Variants in FST observed in about 807,000 individuals in gnomAD.
The protein encoded by FST is activin-binding protein.
A neutral mutation model predicts 38.4 loss-of-function variants in FST; 6 were observed. The observed-to-expected ratio is 0.16, with a 90% CI of 0.09 to 0.31. FST has a LOEUF of 0.31. Among genes scored for constraint, FST ranks in the 10% least tolerant of loss-of-function variants. The pLI is 1.00. For missense variants in FST, 301 were observed against 432.3 expected (o/e 0.70, Z 2.69); for synonymous variants, 157 against 169.8 (o/e 0.92, Z 0.59).
intron 4 of FST, 30 bp from the exon 5 acceptor site, chr5:53,484,967 T>C: frequency 9.4e-7 from 1 of 1,059,378 alleles, no homozygotes; most frequent in South Asian, 1.2e-5. Flanking sequence ...GGGAAATCAG[T>C]TTACTCATCA....
chr5:53,484,062 G>A lies in FST; in HGVS notation c.497-7G>A. The stretch of plus-strand genomic sequence containing the variant: ...CCTATTCATGTGTGTTTCCTTCTTT[G>A]TTCCAGAGACTTGTCGGGATGTTTT... On this transcript the variant is annotated splice_polypyrimidine_tract_variant and splice_region_variant and intron_variant, in intron 3 of 5. Transcript: ENST00000256759. The A allele has an allele frequency of 6.2e-7, 1 of 1,612,090 alleles. No homozygotes were observed.
In FST at chr5:53,483,862, AGG is replaced by A. The variant is rs1458183497; in HGVS notation, c.496+141_496+142del. ...TAATAGTAATACTGAAACCAAATAA[AGG>A]AGTCCTTTTCTAACCTCTAGAGATT... On this transcript the variant is annotated intron_variant, in intron 3 of 5. Transcript: ENST00000256759. This position sits in a 1 kb window ranked among gnomAD's most constrained non-coding sequence, Gnocchi z 4.1. 5.7e-6 allele frequency: 4 copies of A among 707,134 alleles called. No homozygotes were observed. The African/African-American group carries it at 7.2e-5, about 13-fold the overall frequency. 43.8% of individuals were successfully genotyped at this position (707,134 alleles called of 1,614,324 possible).
chr5:53,485,555 T>C, intron 5 of FST: 1 of 729,554 alleles, frequency 1.4e-6, no homozygotes, highest in East Asian at 2.5e-5. Context: ...AGTTTTTTTT[T>C]TTTTTTTCCA....
rs1476467555 is a variant in FST, at chr5:53,484,257, A to G, written c.685A>G (p.Arg229Gly). Residue 229 changes from arginine to glycine, a missense_variant, in exon 4 of 6, where the codon AGA becomes GGA. Physicochemically the swap from Arg to Gly is moderately radical, Grantham distance 125 (BLOSUM62 -2). Coordinates refer to ENST00000256759, the MANE Select transcript of FST (RefSeq NM_013409.3). Reference protein sequence around the residue: ...HLRKATCLLGRSIGLAYEGKC... With the variant: ...HLRKATCLLGGSIGLAYEGKC... Reference sequence around the variant, plus strand: ...GAGAAAGGCTACCTGCCTGCTGGGCAGATCTATTGGATTAGCCTATGAGGG... The same window carrying G: ...GAGAAAGGCTACCTGCCTGCTGGGCGGATCTATTGGATTAGCCTATGAGGG... 3 of 1,610,152 alleles carry G rather than the reference A, an allele frequency of 1.9e-6. No individual in the cohort carries two copies. The African/African-American group carries it at 4.0e-5, about 22-fold the overall frequency.
chr5:53,485,377 C>T, intron 5 of FST, 150 bp downstream of exon 5: 2 of 624,802 alleles, frequency 3.2e-6, no homozygotes, highest in Non-Finnish European at 5.7e-6. Flanking sequence ...CAATAATCCA[C>T]AGAAAATTCT....
chr5:53,483,650 G>A lies in FST; in HGVS notation c.424G>A (p.Glu142Lys). ...GCTGGATGGGAAAACCTACCGCAATGAATGTGCACTCCTAAAGGCAAGATG... is the reference window on the plus strand; with the variant it reads ...GCTGGATGGGAAAACCTACCGCAATAAATGTGCACTCCTAAAGGCAAGATG... ...CGLDGKTYRN[E>K]CALLKARCKE... is the part of the protein sequence containing the mutation. The change falls in exon 3 of 6, where the codon GAA (glutamate) becomes AAA (lysine). Residue 142 changes from glutamate to lysine, a missense_variant. Physicochemically the swap from Glu to Lys is moderately conservative, Grantham distance 56 (BLOSUM62 1). Coordinates refer to ENST00000256759, the MANE Select transcript of FST (RefSeq NM_013409.3). The surrounding 1 kb of genome is among the most constrained non-coding windows in gnomAD (Gnocchi z 4.1). The A allele has an allele frequency of 1.2e-6, 2 of 1,614,216 alleles. No homozygotes were observed. The highest frequency in any genetic ancestry group is 2.2e-5 in the South Asian group (2 of 91,084).
chr5:53,483,861 A>T lies in FST; in HGVS notation c.496+139A>T, dbSNP rs371974816. 1.0e-4 allele frequency: 72 copies of T among 706,590 alleles called. No individual in the cohort carries two copies. In the African/African-American group the frequency reaches 1.3e-3, roughly 13 times the overall value. 43.8% of individuals were successfully genotyped at this position (706,590 alleles called of 1,614,324 possible). On this transcript the variant is annotated intron_variant, in intron 3 of 5. Transcript: ENST00000256759. The surrounding 1 kb of genome is among the most constrained non-coding windows in gnomAD (Gnocchi z 4.1). ...ATAATAGTAATACTGAAACCAAATAAAGGAGTCCTTTTCTAACCTCTAGAG... is the reference window on the plus strand; with the variant it reads ...ATAATAGTAATACTGAAACCAAATATAGGAGTCCTTTTCTAACCTCTAGAG...
chr5:53,484,152 C>T lies in FST; in HGVS notation c.580C>T (p.Arg194Trp), dbSNP rs1747406626. ...TAATGCCTACTGTGTGACCTGTAATCGGATTTGCCCAGAGCCTGCTTCCTC... is the reference window on the plus strand; with the variant it reads ...TAATGCCTACTGTGTGACCTGTAATTGGATTTGCCCAGAGCCTGCTTCCTC... Reference protein sequence around the residue: ...TNNAYCVTCNRICPEPASSEQ... With the variant: ...TNNAYCVTCNWICPEPASSEQ... Residue 194 changes from arginine to tryptophan, a missense_variant, in exon 4 of 6, where the codon CGG becomes TGG. Physicochemically the swap from Arg to Trp is moderately radical, Grantham distance 101 (BLOSUM62 -3). Coordinates refer to ENST00000256759, the MANE Select transcript of FST (RefSeq NM_013409.3). 6 of 1,611,552 alleles carry T rather than the reference C, an allele frequency of 3.7e-6. No homozygotes were observed. The highest frequency in any genetic ancestry group is 1.3e-5 in the African/African-American group (1 of 74,986).
chr5:53,480,897 TG>T (rs1212853819), intron 1 of FST, 21 bp downstream of exon 1: 1 of 1,400,644 alleles, frequency 7.1e-7, no homozygotes, highest in Non-Finnish European at 9.8e-7. Context: ...GGGGATGCGC[TG>T]GGGAGGCTTG....
chr5:53,485,033 G>A lies in FST; in HGVS notation c.758G>A (p.Gly253Glu). 6.2e-7 allele frequency: 1 copy of A among 1,609,766 alleles called. No individual in the cohort carries two copies. The highest frequency in any genetic ancestry group is 8.5e-7 in the Non-Finnish European group (1 of 1,176,026). ...KSCEDIQCTG[G>E]KKCLWDFKVG... Reference sequence around the variant, plus strand: ...TGTGAAGATATCCAGTGCACTGGTGGGAAAAAATGTTTATGGGATTTCAAG... The same window carrying A: ...TGTGAAGATATCCAGTGCACTGGTGAGAAAAAATGTTTATGGGATTTCAAG... Residue 253 changes from glycine to glutamate, a missense_variant, in exon 5 of 6, where the codon GGG becomes GAG. Transcript: ENST00000256759.
rs571463789 is a variant in FST, at chr5:53,483,423, C to T, written c.278-81C>T. The T allele has an allele frequency of 2.9e-5, 31 of 1,081,558 alleles. No individual in the cohort carries two copies. Among genetic ancestry groups the T allele is most frequent in the Admixed American group, 2.1e-4 (11 of 53,060 alleles). 67.0% of individuals were successfully genotyped at this position (1,081,558 alleles called of 1,614,324 possible). A position where few individuals can be genotyped will look rare whatever the true frequency, so the allele number is the denominator to read the frequency against. On this transcript the variant is annotated intron_variant, in intron 2 of 5. Transcript: ENST00000256759. The surrounding 1 kb of genome is among the most constrained non-coding windows in gnomAD (Gnocchi z 4.1). ...GCGCAAACTCAGGGCTGCATGATTG[C>T]GCAAGGCACCCGAAGCCCTCCTGGC...
chr5:53,482,357 A>ATCTCTCC (rs914624674), intron 1 of FST, among the ~76,000 whole-genome samples: 1 of 122,116 alleles, frequency 8.2e-6, no homozygotes, highest in Non-Finnish European at 1.7e-5. Context: ...TCTCCCCTCC[A>ATCTCTCC]TCTCTCCTCT....
chr5:53,480,915 G>C, intron 1 of FST, 39 bp downstream of exon 1: 1 of 1,205,738 alleles, frequency 8.3e-7, no homozygotes, highest in Non-Finnish European at 1.2e-6. Flanking sequence ...CTTGGCTGAG[G>C]ACAGGGGGGT....
rs1747558656 is a variant in FST at position 53,486,572 on chromosome 5, C to A, written c.*539C>A. The A allele has an allele frequency of 6.5e-6, 1 of 153,104 alleles. No individual in the cohort carries two copies. Among genetic ancestry groups the A allele is most frequent in the Admixed American group, 6.5e-5 (1 of 15,278 alleles). 9.5% of individuals were successfully genotyped at this position (153,104 alleles called of 1,614,324 possible). A position where few individuals can be genotyped will look rare whatever the true frequency, so the allele number is the denominator to read the frequency against. ...TGTTTATTTATTGGATTCTCTGCTG[C>A]CTGATCTGTACATACATGATCCCTC... On this transcript the variant is annotated 3_prime_UTR_variant, in exon 6 of 6. Transcript: ENST00000256759.
chr5:53,481,721 G>C (rs973531860), intron 1 of FST, among the ~76,000 whole-genome samples: 25 of 152,178 alleles, frequency 1.6e-4, no homozygotes, highest in Admixed American at 5.9e-4. Flanking sequence ...GCGATCCAAT[G>C]ATTGTTAAAG....
chr5:53,480,918 AG>A (rs746819001), intron 1 of FST, 42 bp downstream of exon 1: 85 of 1,162,250 alleles, frequency 7.3e-5, no homozygotes, highest in Middle Eastern at 2.1e-4. Context: ...GGCTGAGGAC[AG>A]GGGGGTCGAC....
At position 53,480,785 on chromosome 5, in the gene FST, C is replaced by T; in HGVS notation, c.-7C>T. The T allele has an allele frequency of 1.4e-6, 2 of 1,475,238 alleles. No individual in the cohort carries two copies. The highest frequency in any genetic ancestry group is 1.8e-6 in the Non-Finnish European group (2 of 1,102,404). 91.4% of individuals were successfully genotyped at this position (1,475,238 alleles called of 1,614,324 possible). On this transcript the variant is annotated 5_prime_UTR_variant, in exon 1 of 6. Coordinates refer to ENST00000256759, the MANE Select transcript of FST (RefSeq NM_013409.3). ...GCTGCGCTCCTCGCCCCGCGCCTGCCCCCAGGATGGTCCGCGCGAGGCACC... is the reference window on the plus strand; with the variant it reads ...GCTGCGCTCCTCGCCCCGCGCCTGCTCCCAGGATGGTCCGCGCGAGGCACC...
chr5:53,483,367 A>G lies in FST; in HGVS notation c.278-137A>G, dbSNP rs1042302727. 37 of 665,140 alleles carry G rather than the reference A, an allele frequency of 5.6e-5. No individual in the cohort carries two copies. The highest frequency in any genetic ancestry group is 4.7e-4 in the South Asian group (25 of 53,290). 41.2% of individuals were successfully genotyped at this position (665,140 alleles called of 1,614,324 possible). ...GTCCACACTCTTTCACCAACTCCCA[A>G]TATTCCAGGAGAGAGCCTGGGGCCC... On this transcript the variant is annotated intron_variant, in intron 2 of 5. Coordinates refer to ENST00000256759, the MANE Select transcript of FST (RefSeq NM_013409.3). This position sits in a 1 kb window ranked among gnomAD's most constrained non-coding sequence, Gnocchi z 4.1.
rs1420115364 is a variant in FST at position 53,482,307 on chromosome 5, CTTTCT to C, written c.86-565_86-561del. Among the ~76,000 whole-genome samples, 897 of 147,834 alleles carry C rather than the reference CTTTCT, an allele frequency of 6.1e-3. 8 individuals are homozygous for C. The highest frequency in any genetic ancestry group is 0.021 in the African/African-American group (857 of 39,998). ...TCTCTTTCTTTTCTTTCTTTCTCTTCTTTCTTTTCTTTCTTTCTTTCTCTTTCCTT... is the reference window on the plus strand; with the variant it reads ...TCTCTTTCTTTTCTTTCTTTCTCTTCTTTCTTTCTTTCTTTCTCTTTCCTT... On this transcript the variant is annotated intron_variant, in intron 1 of 5. Transcript: ENST00000256759.
Sources: gnomAD v4.1 joint callset for allele counts (sites outside exome capture counted in the v4.1 genomes callset) on GRCh38, gnomAD v4.1.1 for gene constraint, Gnocchi (gnomAD v3.1) non-coding constraint, MANE v1.5 for transcripts, NCBI Gene and HGNC (gene_info 2026-07-23, HGNC 2026-07-21) for gene names.